JPH3: variants seen among roughly 807,000 people sequenced by gnomAD.
JPH3 encodes the protein junctophilin 3, also known as junctophilin-3.
Under a neutral mutation model 59.6 loss-of-function variants are expected in JPH3, and 11 were observed. The ratio of observed to expected loss-of-function variants is 0.18; its 90% CI spans 0.12 to 0.31. The LOEUF is 0.31. JPH3 is among the 10% of genes least tolerant of loss of function. JPH3 has a pLI of 1.00. For synonymous variants in JPH3, 673 were observed against 483.6 expected (o/e 1.39, Z -5.14); for missense variants, 1,202 against 1,105.7 (o/e 1.09, Z -1.24).
chr16:87,683,525 T>G (rs1295251270), intron 2 of JPH3, among the ~76,000 whole-genome samples: 5 of 152,056 alleles, frequency 3.3e-5, no homozygotes, highest in Non-Finnish European at 7.4e-5. Context: ...AGGCTGGTCT[T>G]GAACTCCTGA....
chr16:87,645,997 C>T (rs1187140374), intron 2 of JPH3, among the ~76,000 whole-genome samples: 1 of 152,352 alleles, frequency 6.6e-6, no homozygotes, highest in South Asian at 2.1e-4. Context: ...CTGGGCCAGA[C>T]GAGGGCCCTT....
At chr16:87,657,392 G>A (rs2032538456) in intron 2 of JPH3, among the ~76,000 whole-genome samples, 1 of 152,182 alleles carries the variant, frequency 6.6e-6, no homozygotes, top group African/African-American at 2.4e-5. Context: ...ACCAGGGGCT[G>A]GGGTGGGAAC....
At chr16:87,612,890 C>T (rs1055519479) in intron 1 of JPH3, among the ~76,000 whole-genome samples, 3 of 151,344 alleles carry the variant, frequency 2.0e-5, no homozygotes, top group African/African-American at 4.9e-5. Flanking sequence ...GGCTTGGTGG[C>T]GGGCGGGCAC....
intron 2 of JPH3, among the ~76,000 whole-genome samples, chr16:87,676,909 C>T (rs566259310): frequency 5.4e-4 from 82 of 151,798 alleles, no homozygotes; most frequent in Non-Finnish European, 1.1e-3. Context: ...CGGTGGCGCA[C>T]GCCTGTAATC....
intron 2 of JPH3, among the ~76,000 whole-genome samples, chr16:87,671,909 C>T (rs369701347): frequency 7.2e-5 from 11 of 152,356 alleles, no homozygotes; most frequent in African/African-American, 2.6e-4. Flanking sequence ...ATTGTTCATG[C>T]AGCAGCTTCT....
intron 1 of JPH3, among the ~76,000 whole-genome samples, chr16:87,628,202 C>T (rs977029565): frequency 1.6e-4 from 24 of 152,266 alleles, no homozygotes; most frequent in African/African-American, 5.8e-4. Flanking sequence ...GTCTCCTGAG[C>T]CTGTGCGTCT....
At position 87,611,207 on chromosome 16, in the gene JPH3, C is replaced by T. The variant is rs139508780; in HGVS notation, c.382+7679C>T. 1.1e-3 allele frequency among the ~76,000 whole-genome samples: 169 copies of T among 152,252 alleles called. 1 individual carries two copies. Among genetic ancestry groups the T allele is most frequent in the African/African-American group, 3.9e-3 (160 of 41,542 alleles). On this transcript the variant is annotated intron_variant, in intron 1 of 4. Transcript: ENST00000284262. This position sits in a 1 kb window ranked among gnomAD's most constrained non-coding sequence, Gnocchi z 4.5. ...AGGAGTCTGAACAGGGATGCAAAAC[C>T]GAGATATATGGAATAATTCAGGGTT...
intron 2 of JPH3, among the ~76,000 whole-genome samples, chr16:87,649,940 G>A (rs775207203): frequency 6.6e-6 from 1 of 152,248 alleles, no homozygotes; most frequent in Admixed American, 6.5e-5. Context: ...CCCCCTCTCT[G>A]CTGCGTCTCG....
chr16:87,632,571 A>G (rs889926745), intron 1 of JPH3, among the ~76,000 whole-genome samples: 5 of 152,198 alleles, frequency 3.3e-5, no homozygotes, highest in African/African-American at 1.2e-4. Flanking sequence ...GCTGGACTAC[A>G]GGTGTGCACC....
intron 1 of JPH3, among the ~76,000 whole-genome samples, chr16:87,623,523 G>A (rs1384232067): frequency 6.6e-6 from 1 of 152,194 alleles, no homozygotes; most frequent in Non-Finnish European, 1.5e-5. Context: ...CTAGTTTAAG[G>A]AAATGTTAAA....
intron 2 of JPH3, among the ~76,000 whole-genome samples, chr16:87,677,078 G>A (rs1418072159): frequency 6.6e-6 from 1 of 151,512 alleles, no homozygotes; most frequent in Non-Finnish European, 1.5e-5. Context: ...AGAATGGCGT[G>A]AACCCGGGAG....
At chr16:87,682,355 G>A (rs1217829521) in intron 2 of JPH3, among the ~76,000 whole-genome samples, 1 of 152,180 alleles carries the variant, frequency 6.6e-6, no homozygotes, top group Non-Finnish European at 1.5e-5. Context: ...GAGATGGGGG[G>A]TCAGGCTGCG....
chr16:87,639,585 A>G (rs2031871242), intron 1 of JPH3, among the ~76,000 whole-genome samples: 1 of 132,772 alleles, frequency 7.5e-6, no homozygotes, highest in South Asian at 2.7e-4. Flanking sequence ...GTCCCACTAA[A>G]TGCTCACTGC....
intron 1 of JPH3, among the ~76,000 whole-genome samples, chr16:87,622,364 A>C (rs527619187): frequency 6.6e-6 from 1 of 152,292 alleles, no homozygotes; most frequent in East Asian, 1.9e-4. Context: ...GCAAGGACAG[A>C]GAGTGGCTGG....
intron 2 of JPH3, 42 bp from the exon 3 acceptor site, chr16:87,684,100 G>A: frequency 1.3e-6 from 2 of 1,510,854 alleles, no homozygotes; most frequent in Non-Finnish European, 1.8e-6. Flanking sequence ...CCTGTCACCT[G>A]TGCCCCCTGC....
intron 1 of JPH3, among the ~76,000 whole-genome samples, chr16:87,634,191 A>C (rs1000379141): frequency 5.3e-5 from 8 of 152,142 alleles, no homozygotes; most frequent in African/African-American, 1.9e-4. Flanking sequence ...CAGGGCTCTC[A>C]CTGTCACGTT....
chr16:87,639,681 T>A (rs1017948029), intron 1 of JPH3, among the ~76,000 whole-genome samples: 1 of 148,392 alleles, frequency 6.7e-6, no homozygotes, highest in Non-Finnish European at 1.5e-5. Flanking sequence ...TCCTCCCTCC[T>A]GGCCCCTCGC....
At chr16:87,604,990 T>C (rs532009734) in intron 1 of JPH3, 3 of 451,816 alleles carry the variant, frequency 6.6e-6, no homozygotes, top group East Asian at 7.0e-5. Context: ...TGTGTGTGTG[T>C]GTGCGCGCGC....
At chr16:87,668,704 G>C (rs573478461) in intron 2 of JPH3, among the ~76,000 whole-genome samples, 3 of 152,302 alleles carry the variant, frequency 2.0e-5, no homozygotes, top group Non-Finnish European at 2.9e-5. Flanking sequence ...TTCCATTGCT[G>C]TCAGTCTCTA....
Sources: gnomAD v4.1 joint callset for allele counts (sites outside exome capture counted in the v4.1 genomes callset) on GRCh38, gnomAD v4.1.1 for gene constraint, Gnocchi (gnomAD v3.1) non-coding constraint, MANE v1.5 for transcripts, NCBI Gene and HGNC (gene_info 2026-07-23, HGNC 2026-07-21) for gene names.